The following XYLT1 variants were observed in gnomAD, a reference collection of about 807,000 sequenced individuals.
XYLT1 encodes beta-D-xylosyltransferase 1.
Under a neutral mutation model 91.3 loss-of-function variants are expected in XYLT1, and 36 were observed. That is an observed-to-expected ratio of 0.39 (90% CI 0.30 to 0.52). XYLT1 has a LOEUF of 0.52. Among genes scored for constraint, XYLT1 ranks in the 20% least tolerant of loss-of-function variants. The pLI is 0.68. For synonymous variants in XYLT1, 588 were observed against 532.0 expected, an observed-to-expected ratio of 1.11 and a Z score of -1.45; for missense variants, 1,242 against 1,284.5, an observed-to-expected ratio of 0.97 and a Z score of 0.51.
Position 17,452,155 on chromosome 16 carries a change from G to A in XYLT1, c.363+18279C>T, listed in dbSNP as rs533149283. Among the ~76,000 whole-genome samples the A allele has an allele frequency of 2.6e-5, 4 of 152,258 alleles. No individual in the cohort carries two copies. In the East Asian group the frequency reaches 7.7e-4, roughly 29 times the overall value. On this transcript the variant is annotated intron_variant, in intron 1 of 11. Transcript: ENST00000261381. ...GCCTATTCATAGATTCTAACCCTAAGAGGAACGAAATTAGCACTTTGTATG... is the reference window on the plus strand; with the variant it reads ...GCCTATTCATAGATTCTAACCCTAAAAGGAACGAAATTAGCACTTTGTATG...
rs192197357 is a variant in XYLT1, at chr16:17,150,500, C to T, written c.1370+8329G>A. On this transcript the variant is annotated intron_variant, in intron 6 of 11. Coordinates refer to ENST00000261381, the MANE Select transcript of XYLT1 (RefSeq NM_022166.4). ...ATAATAACAGCTACCATTTATTGAG[C>T]GTATACTACATTCTAGGCTCTGTTC... Among the ~76,000 whole-genome samples the T allele has an allele frequency of 2.1e-3, 325 of 152,268 alleles. 4 individuals are homozygous for T. The highest frequency in any genetic ancestry group is 6.8e-3 in the African/African-American group (284 of 41,548).
chr16:17,411,931 T>C (rs1164256081), intron 1 of XYLT1, among the ~76,000 whole-genome samples: 1 of 152,086 alleles, frequency 6.6e-6, no homozygotes, highest in Non-Finnish European at 1.5e-5. Context: ...TGCCCATCAC[T>C]AGGTGGCCCG....
intron 9 of XYLT1, among the ~76,000 whole-genome samples, chr16:17,128,645 A>T (rs566701644): frequency 8.5e-5 from 13 of 152,200 alleles, no homozygotes; most frequent in Non-Finnish European, 1.8e-4. Flanking sequence ...ATCTGAGATA[A>T]ACACACATGC....
chr16:17,408,645 A>T (rs1302429311), intron 1 of XYLT1, among the ~76,000 whole-genome samples: 1 of 152,352 alleles, frequency 6.6e-6, no homozygotes, highest in Non-Finnish European at 1.5e-5. Context: ...CAGGAGTTTG[A>T]GACCAGCCTG....
chr16:17,436,406 ATATC>A (rs933911825), intron 1 of XYLT1, among the ~76,000 whole-genome samples: 79 of 152,264 alleles, frequency 5.2e-4, no homozygotes, highest in Middle Eastern at 3.4e-3. Context: ...CATTGCCATG[ATATC>A]GCCTTGCTTT....
chr16:17,351,953 G>A (rs1237217355), intron 2 of XYLT1, among the ~76,000 whole-genome samples: 1 of 152,110 alleles, frequency 6.6e-6, no homozygotes, highest in African/African-American at 2.4e-5. Context: ...AGACCAGTCG[G>A]GGCAACATAG....
intron 3 of XYLT1, among the ~76,000 whole-genome samples, chr16:17,212,403 T>C (rs563602772): frequency 5.6e-4 from 86 of 152,348 alleles, no homozygotes; most frequent in South Asian, 1.4e-3. Context: ...AAACTCCCCC[T>C]GTGATTCTGA....
intron 2 of XYLT1, among the ~76,000 whole-genome samples, chr16:17,327,311 C>A (rs1024516772): frequency 6.6e-6 from 1 of 151,190 alleles, no homozygotes; most frequent in Non-Finnish European, 1.5e-5. Context: ...CAGCCATACT[C>A]GGGTTGAATG....
At chr16:17,365,223 T>A (rs2035437042) in intron 1 of XYLT1, among the ~76,000 whole-genome samples, 1 of 152,154 alleles carries the variant, frequency 6.6e-6, no homozygotes, top group Non-Finnish European at 1.5e-5. Context: ...CATTTCCTCC[T>A]CAGGGAAGTG....
intron 11 of XYLT1, 51 bp downstream of exon 11, chr16:17,117,595 A>G: frequency 6.4e-7 from 1 of 1,564,768 alleles, no homozygotes; most frequent in Non-Finnish European, 8.7e-7. Context: ...AAGACCCTCA[A>G]GGTCCCCAGG....
chr16:17,243,773 G>A (rs775962405), intron 3 of XYLT1, among the ~76,000 whole-genome samples: 6 of 152,146 alleles, frequency 3.9e-5, no homozygotes, highest in African/African-American at 1.4e-4. Flanking sequence ...TCTTCAGGAC[G>A]CAAAGGGTCA....
At chr16:17,109,223 G>A (rs1473948533) in intron 11 of XYLT1, among the ~76,000 whole-genome samples, 2 of 152,194 alleles carry the variant, frequency 1.3e-5, no homozygotes, top group Non-Finnish European at 2.9e-5. Flanking sequence ...TTTGTACAGG[G>A]CACGGTGCAT....
intron 1 of XYLT1, among the ~76,000 whole-genome samples, chr16:17,365,914 T>C (rs954114191): frequency 2.6e-5 from 4 of 152,204 alleles, no homozygotes; most frequent in Middle Eastern, 3.2e-3. Context: ...CAAGAGGTTT[T>C]GTAATTCTTT....
chr16:17,185,343 C>T (rs1262593919), intron 5 of XYLT1, among the ~76,000 whole-genome samples: 1 of 152,202 alleles, frequency 6.6e-6, no homozygotes, highest in Non-Finnish European at 1.5e-5. Context: ...GAACAACAGT[C>T]CGAGCAGATA....
At chr16:17,301,438 C>A (rs1339025614) in intron 2 of XYLT1, among the ~76,000 whole-genome samples, 1 of 152,084 alleles carries the variant, frequency 6.6e-6, no homozygotes, top group East Asian at 1.9e-4. Context: ...TTAGATATTG[C>A]AATGGTCAGC....
At chr16:17,413,566 T>C (rs2036141206) in intron 1 of XYLT1, among the ~76,000 whole-genome samples, 1 of 151,804 alleles carries the variant, frequency 6.6e-6, no homozygotes, top group South Asian at 2.1e-4. Flanking sequence ...GTGTTCGGAG[T>C]ACCTGGGACT....
intron 2 of XYLT1, among the ~76,000 whole-genome samples, chr16:17,299,754 G>A (rs2034366799): frequency 1.3e-5 from 2 of 152,114 alleles, no homozygotes; most frequent in Non-Finnish European, 2.9e-5. Context: ...ATATAATGAA[G>A]GCCCAGGAAG....
intron 2 of XYLT1, among the ~76,000 whole-genome samples, chr16:17,287,420 T>C: frequency 6.6e-6 from 1 of 152,044 alleles, no homozygotes. Context: ...CAGAAAAAAC[T>C]CTGGGCTCAC....
intron 1 of XYLT1, among the ~76,000 whole-genome samples, chr16:17,386,985 A>T (rs950815776): frequency 3.9e-5 from 6 of 152,204 alleles, no homozygotes; most frequent in African/African-American, 1.4e-4. Context: ...CTTGTCTCAA[A>T]GAGGGCACAG....
Sources: gnomAD v4.1 joint callset for allele counts (sites outside exome capture counted in the v4.1 genomes callset) on GRCh38, gnomAD v4.1.1 for gene constraint, MANE v1.5 for transcripts, NCBI Gene and HGNC (gene_info 2026-07-23, HGNC 2026-07-21) for gene names.